PPP3CB: variants seen among roughly 807,000 people sequenced by gnomAD.
PPP3CB encodes the protein serine/threonine-protein phosphatase 2B catalytic subunit beta isoform.
In PPP3CB, 8 loss-of-function variants were observed where a neutral mutation model predicts 66.4. The observed-to-expected ratio is 0.12, with a 90% CI of 0.07 to 0.22. The LOEUF (loss-of-function observed/expected upper bound fraction) is 0.22, where lower values mean the gene tolerates loss of function less well. Among genes scored for constraint, PPP3CB ranks in the 10% least tolerant of loss-of-function variants. The pLI is 1.00. For missense variants in PPP3CB, 319 were observed against 642.5 expected, an observed-to-expected ratio of 0.50 and a Z score of 5.44; for synonymous variants, 208 against 221.2, an observed-to-expected ratio of 0.94 and a Z score of 0.53.
At chr10:73,450,053 C>T (rs2056320495) in intron 10 of PPP3CB, among the ~76,000 whole-genome samples, 1 of 152,186 alleles carries the variant, frequency 6.6e-6, no homozygotes, top group Admixed American at 6.5e-5. Flanking sequence ...CCGCCTTAGC[C>T]TCCCAAAGTG....
intron 10 of PPP3CB, among the ~76,000 whole-genome samples, chr10:73,452,067 A>C (rs2132818041): frequency 6.6e-6 from 1 of 152,204 alleles, no homozygotes; most frequent in East Asian, 1.9e-4. Flanking sequence ...CTCTTAAAAA[A>C]AAAAATTTAA....
At chr10:73,484,873 G>A (rs1420900659) in intron 1 of PPP3CB, among the ~76,000 whole-genome samples, 1 of 151,750 alleles carries the variant, frequency 6.6e-6, no homozygotes, top group East Asian at 2.0e-4. Context: ...CCAACATGGT[G>A]AAACCTTGTC....
intron 2 of PPP3CB, among the ~76,000 whole-genome samples, chr10:73,478,953 C>T (rs186638225): frequency 4.6e-5 from 7 of 152,342 alleles, no homozygotes; most frequent in African/African-American, 1.7e-4. Context: ...AATATCCATT[C>T]TAACTCAATA....
chr10:73,487,520 C>G (rs1288529914), intron 1 of PPP3CB, among the ~76,000 whole-genome samples: 1 of 144,790 alleles, frequency 6.9e-6, no homozygotes, highest in Non-Finnish European at 1.5e-5. Flanking sequence ...TGTACTCCAG[C>G]CAGGGCAACA....
At chr10:73,493,368 G>T (rs996482392) in intron 1 of PPP3CB, among the ~76,000 whole-genome samples, 1 of 151,812 alleles carries the variant, frequency 6.6e-6, no homozygotes. Context: ...AAAATGTATC[G>T]ATACAAAACT....
chr10:73,479,266 A>G lies in PPP3CB; in HGVS notation c.286+51T>C, dbSNP rs1227267596. On this transcript the variant is annotated intron_variant, in intron 2 of 13. Transcript: ENST00000360663. ...AAAACAGTAAGTTGTAAATCCAGGCAACTAAATAATGACATAATAAAAATA... is the reference window on the plus strand; with the variant it reads ...AAAACAGTAAGTTGTAAATCCAGGCGACTAAATAATGACATAATAAAAATA... 3 of 1,511,224 alleles carry G rather than the reference A, an allele frequency of 2.0e-6. No individual in the cohort carries two copies. In the African/African-American group the frequency reaches 4.1e-5, roughly 21 times the overall value. The allele number at this position is 1,511,224 out of a possible 1,614,324, so 93.6% of individuals were successfully genotyped here. A position where few individuals can be genotyped will look rare whatever the true frequency, so the allele number is the denominator to read the frequency against.
chr10:73,471,277 A>G (rs984680146), intron 5 of PPP3CB, 68 bp from the exon 6 acceptor site: 1 of 1,465,374 alleles, frequency 6.8e-7, no homozygotes, highest in African/African-American at 1.4e-5. Flanking sequence ...GTGCATAGGA[A>G]AACGATACCA....
intron 1 of PPP3CB, among the ~76,000 whole-genome samples, chr10:73,481,093 G>A (rs371447009): frequency 3.1e-4 from 47 of 151,638 alleles, no homozygotes; most frequent in African/African-American, 1.0e-3. Flanking sequence ...AAGTGAGAGA[G>A]AAATGTACAT....
At chr10:73,453,294 T>G (rs190255706) in intron 10 of PPP3CB, among the ~76,000 whole-genome samples, 1 of 152,088 alleles carries the variant, frequency 6.6e-6, no homozygotes, top group African/African-American at 2.4e-5. Context: ...CCAATAAATT[T>G]ATTCCAAGGA....
intron 12 of PPP3CB, chr10:73,443,789 T>G (rs2132768608): frequency 6.6e-6 from 1 of 152,378 alleles, no homozygotes; most frequent in Middle Eastern, 3.4e-3. Context: ...ATTACAGGAA[T>G]GCTTTACGTA....
chr10:73,469,155 C>G (rs1387381878), intron 8 of PPP3CB, among the ~76,000 whole-genome samples: 1 of 152,160 alleles, frequency 6.6e-6, no homozygotes, highest in Non-Finnish European at 1.5e-5. Context: ...GGACACTGAA[C>G]ACTAGCTCCC....
chr10:73,447,904 A>C (rs114948361), intron 10 of PPP3CB, among the ~76,000 whole-genome samples: 7,126 of 151,268 alleles, frequency 0.047, 490 homozygotes, highest in African/African-American at 0.15. Flanking sequence ...AAAAAAAAAA[A>C]CCACAAAAAA....
chr10:73,448,030 T>G (rs1334759527), intron 10 of PPP3CB, among the ~76,000 whole-genome samples: 1 of 152,188 alleles, frequency 6.6e-6, no homozygotes, highest in East Asian at 1.9e-4. Context: ...GGTTATTAAG[T>G]GACTTGTTCA....
At position 73,479,241 on chromosome 10, in the gene PPP3CB, A is replaced by C. The variant is rs1299240001; in HGVS notation, c.286+76T>G. 3.0e-6 allele frequency: 4 copies of C among 1,316,762 alleles called. No individual in the cohort carries two copies. The East Asian group carries it at 9.2e-5, about 30-fold the overall frequency. The allele number at this position is 1,316,762 out of a possible 1,614,324, so 81.6% of individuals were successfully genotyped here. The stretch of plus-strand genomic sequence containing the variant: ...ATTGATTTAGCATACAGTATCATTG[A>C]AAACAGTAAGTTGTAAATCCAGGCA... On this transcript the variant is annotated intron_variant, in intron 2 of 13. Coordinates refer to ENST00000360663, the MANE Select transcript of PPP3CB (RefSeq NM_021132.4).
chr10:73,486,773 G>GCATTAGCACTTCCAACATCATCTCTCCA, intron 1 of PPP3CB, among the ~76,000 whole-genome samples: 1 of 152,040 alleles, frequency 6.6e-6, no homozygotes. Flanking sequence ...TCTTAGCTCC[G>GCATTAGCACTTCCAACATCATCTCTCCA]CATTAGCACT....
intron 11 of PPP3CB, among the ~76,000 whole-genome samples, chr10:73,445,117 A>T (rs1225756657): frequency 6.6e-6 from 1 of 152,228 alleles, no homozygotes; most frequent in Non-Finnish European, 1.5e-5. Context: ...TATGCTCTGA[A>T]GTTCAAATGT....
chr10:73,490,952 C>T (rs915042864), intron 1 of PPP3CB, among the ~76,000 whole-genome samples: 6 of 151,808 alleles, frequency 4.0e-5, no homozygotes, highest in African/African-American at 1.5e-4. Flanking sequence ...CCTGCCTCAG[C>T]CTCCCAAGTA....
intron 1 of PPP3CB, among the ~76,000 whole-genome samples, chr10:73,484,888 C>T (rs941499424): frequency 6.6e-6 from 1 of 150,904 alleles, no homozygotes; most frequent in Non-Finnish European, 1.5e-5. Flanking sequence ...CTTGTCTCTA[C>T]TAAAAACCCC....
At chr10:73,474,199 C>T (rs960483586) in intron 4 of PPP3CB, among the ~76,000 whole-genome samples, 5 of 149,994 alleles carry the variant, frequency 3.3e-5, no homozygotes, top group African/African-American at 7.5e-5. Context: ...CATGTCACCA[C>T]GCCTGGCTAA....
Sources: gnomAD v4.1 joint callset for allele counts (sites outside exome capture counted in the v4.1 genomes callset) on GRCh38, gnomAD v4.1.1 for gene constraint, MANE v1.5 for transcripts, NCBI Gene and HGNC (gene_info 2026-07-23, HGNC 2026-07-21) for gene names.